Variants in KCNH7 observed in about 807,000 individuals in gnomAD.
KCNH7 encodes voltage-gated inwardly rectifying potassium channel KCNH7.
KCNH7 carries 49 observed loss-of-function variants against 120.8 expected under a neutral mutation model. The observed-to-expected ratio is 0.41, with a 90% confidence interval of 0.32 to 0.51. The LOEUF is 0.51. KCNH7 is among the 20% of genes least tolerant of loss of function. The probability of loss-of-function intolerance (pLI) is 0.38; values close to 1 mark genes in which losing one functional copy is unlikely to be tolerated. For synonymous variants in KCNH7, 547 were observed against 516.1 expected, an observed-to-expected ratio of 1.06 and a Z score of -0.81; for missense variants, 1,097 against 1,446.6, an observed-to-expected ratio of 0.76 and a Z score of 3.92.
chr2:162,444,766 A>G (rs900935507), intron 7 of KCNH7, among the ~76,000 whole-genome samples: 3 of 152,178 alleles, frequency 2.0e-5, no homozygotes, highest in Non-Finnish European at 2.9e-5. Flanking sequence ...AAGAAACTCA[A>G]AGATATATAT....
intron 2 of KCNH7, chr2:162,797,207 ATCT>A (rs1235510922): frequency 6.6e-6 from 1 of 152,072 alleles, no homozygotes; most frequent in African/African-American, 2.4e-5. Context: ...CGTCTCAGAA[ATCT>A]TCTCAACATG....
chr2:162,540,116 T>C (rs1692253526), intron 2 of KCNH7, among the ~76,000 whole-genome samples: 1 of 152,016 alleles, frequency 6.6e-6, no homozygotes, highest in Admixed American at 6.6e-5. Context: ...CATCTAATAA[T>C]GTGGAAATAA....
chr2:162,377,611 G>A (rs1686251872), intron 14 of KCNH7, among the ~76,000 whole-genome samples: 1 of 152,124 alleles, frequency 6.6e-6, no homozygotes, highest in South Asian at 2.1e-4. Context: ...TTTTGTGTTA[G>A]GTTACAGTGG....
chr2:162,573,783 AC>A (rs1693575085), intron 2 of KCNH7, among the ~76,000 whole-genome samples: 1 of 152,040 alleles, frequency 6.6e-6, no homozygotes, highest in Non-Finnish European at 1.5e-5. Context: ...TGACTGCTTT[AC>A]AAAATATTAT....
chr2:162,548,330 C>A (rs1460129785), intron 2 of KCNH7, among the ~76,000 whole-genome samples: 2 of 152,172 alleles, frequency 1.3e-5, no homozygotes, highest in Non-Finnish European at 2.9e-5. Context: ...GCAGCAGATA[C>A]CTGATGGCAG....
At chr2:162,515,811 C>G (rs991099629) in intron 4 of KCNH7, among the ~76,000 whole-genome samples, 5 of 151,662 alleles carry the variant, frequency 3.3e-5, no homozygotes, top group Non-Finnish European at 7.4e-5. Context: ...TTCTTTGGCC[C>G]ACAGATTAAA....
In KCNH7 at chr2:162,484,196, T is replaced by C. The variant is rs574041838; in HGVS notation, c.1128+20247A>G. Among the ~76,000 whole-genome samples, 7 of 151,822 alleles carry C rather than the reference T, an allele frequency of 4.6e-5. No individual in the cohort carries two copies. In the South Asian group the frequency reaches 1.5e-3, roughly 32 times the overall value. The stretch of plus-strand genomic sequence containing the variant: ...CTAGACCAAATTTATTGAGGGTGCC[T>C]GACCTAAACAAGTTGAGTCTTTCAA... On this transcript the variant is annotated intron_variant, in intron 6 of 15. Coordinates refer to ENST00000332142, the MANE Select transcript of KCNH7 (RefSeq NM_033272.4).
At chr2:162,792,162 G>A (rs1314344651) in intron 2 of KCNH7, among the ~76,000 whole-genome samples, 1 of 152,014 alleles carries the variant, frequency 6.6e-6, no homozygotes, top group African/African-American at 2.4e-5. Context: ...TAAGCTTTTT[G>A]ATGTGCTGCT....
intron 2 of KCNH7, among the ~76,000 whole-genome samples, chr2:162,738,067 C>CGA (rs1687981821): frequency 1.8e-5 from 1 of 56,026 alleles, no homozygotes; most frequent in Admixed American, 2.2e-4. Flanking sequence ...GACTTCATAT[C>CGA]AAAAAAAAAA....
At chr2:162,572,737 G>A (rs1051261895) in intron 2 of KCNH7, among the ~76,000 whole-genome samples, 3 of 141,348 alleles carry the variant, frequency 2.1e-5, no homozygotes, top group South Asian at 2.4e-4. Flanking sequence ...ATGAGTTCAC[G>A]TCCTTTGTAG....
intron 4 of KCNH7, among the ~76,000 whole-genome samples, chr2:162,512,937 A>C (rs971948637): frequency 1.3e-5 from 2 of 151,838 alleles, no homozygotes; most frequent in African/African-American, 4.8e-5. Flanking sequence ...TACAGATTTT[A>C]TAATTATGAC....
chr2:162,627,334 C>G (rs1004992553), intron 2 of KCNH7, among the ~76,000 whole-genome samples: 5 of 152,056 alleles, frequency 3.3e-5, no homozygotes, highest in Non-Finnish European at 7.4e-5. Flanking sequence ...GCATCTCTGA[C>G]CCAGGTGAAC....
intron 6 of KCNH7, among the ~76,000 whole-genome samples, chr2:162,470,319 G>T (rs959829499): frequency 2.0e-5 from 3 of 149,040 alleles, no homozygotes; most frequent in African/African-American, 7.5e-5. Flanking sequence ...CTGCCCTAGT[G>T]CCCTGTCTGG....
At chr2:162,421,350 G>A (rs1687703736) in intron 9 of KCNH7, among the ~76,000 whole-genome samples, 1 of 152,278 alleles carries the variant, frequency 6.6e-6, no homozygotes, top group African/African-American at 2.4e-5. Flanking sequence ...CGGGATAGGG[G>A]CAGAGAAGTG....
At chr2:162,399,039 A>G (rs1353135837) in intron 10 of KCNH7, among the ~76,000 whole-genome samples, 2 of 152,034 alleles carry the variant, frequency 1.3e-5, no homozygotes, top group African/African-American at 2.4e-5. Flanking sequence ...AACAGACAAC[A>G]TCCCTGTCCT....
At chr2:162,448,390 A>C (rs1214119442) in intron 6 of KCNH7, among the ~76,000 whole-genome samples, 1 of 152,132 alleles carries the variant, frequency 6.6e-6, no homozygotes, top group Non-Finnish European at 1.5e-5. Context: ...CATTTAAAAT[A>C]TGGACCCATT....
chr2:162,757,998 A>G (rs964163757), intron 2 of KCNH7, among the ~76,000 whole-genome samples: 2 of 152,184 alleles, frequency 1.3e-5, no homozygotes, highest in African/African-American at 4.8e-5. Context: ...TAGTAGGTTT[A>G]TATCAACTCT....
intron 2 of KCNH7, among the ~76,000 whole-genome samples, chr2:162,632,818 A>G (rs1683819139): frequency 6.6e-6 from 1 of 151,898 alleles, no homozygotes; most frequent in Admixed American, 6.6e-5. Context: ...AGTGCTCTGT[A>G]CTAACAAATA....
At chr2:162,442,914 ATTTG>A (rs1173619060) in intron 7 of KCNH7, among the ~76,000 whole-genome samples, 1 of 152,116 alleles carries the variant, frequency 6.6e-6, no homozygotes, top group African/African-American at 2.4e-5. Flanking sequence ...ATCACTCTTA[ATTTG>A]TTTATTTATG....
Sources: gnomAD v4.1 joint callset for allele counts (sites outside exome capture counted in the v4.1 genomes callset) on GRCh38, gnomAD v4.1.1 for gene constraint, MANE v1.5 for transcripts, NCBI Gene and HGNC (gene_info 2026-07-23, HGNC 2026-07-21) for gene names.